Variants in CWC27 observed in about 807,000 individuals in gnomAD.
CWC27 encodes the protein CWC27 spliceosome associated cyclophilin.
In CWC27, 47 loss-of-function variants were observed where a neutral mutation model predicts 63.6. The ratio of observed to expected loss-of-function variants is 0.74; its 90% CI spans 0.58 to 0.94. The LOEUF is 0.94. Among genes scored for constraint, CWC27 ranks in the 40% least tolerant of loss-of-function variants. The pLI, the probability that CWC27 is intolerant of heterozygous loss-of-function variation, is 0.00. For missense variants in CWC27, 495 were observed against 554.3 expected (o/e 0.89, Z 1.07); for synonymous variants, 175 against 179.8 (o/e 0.97, Z 0.22).
At chr5:64,897,655 G>A (rs1747412640) in intron 11 of CWC27, among the ~76,000 whole-genome samples, 2 of 152,092 alleles carry the variant, frequency 1.3e-5, no homozygotes, top group African/African-American at 4.8e-5. Context: ...ACAAGTTGAT[G>A]GGTGCAGCAA....
intron 2 of CWC27, among the ~76,000 whole-genome samples, chr5:64,775,609 C>T (rs1743413257): frequency 6.6e-6 from 1 of 152,078 alleles, no homozygotes; most frequent in Non-Finnish European, 1.5e-5. Flanking sequence ...ATTCTAGTTT[C>T]TCCACACAGC....
At chr5:64,877,062 G>T (rs1037217779) in intron 10 of CWC27, among the ~76,000 whole-genome samples, 1 of 151,764 alleles carries the variant, frequency 6.6e-6, no homozygotes, top group Admixed American at 6.6e-5. Flanking sequence ...CCCTCTACTG[G>T]ATATTATTTA....
At chr5:64,794,835 A>G (rs1744208061) in intron 7 of CWC27, among the ~76,000 whole-genome samples, 1 of 152,154 alleles carries the variant, frequency 6.6e-6, no homozygotes, top group South Asian at 2.1e-4. Context: ...TGAAATATAA[A>G]TGTCAGGAAA....
At chr5:64,923,932 T>G (rs1289823916) in intron 11 of CWC27, among the ~76,000 whole-genome samples, 1 of 152,116 alleles carries the variant, frequency 6.6e-6, no homozygotes, top group African/African-American at 2.4e-5. Context: ...ATTTTTTTAG[T>G]GTCATCTTTG....
intron 13 of CWC27, among the ~76,000 whole-genome samples, chr5:64,992,636 ATTC>A (rs1283243496): frequency 1.3e-4 from 19 of 149,866 alleles, no homozygotes; most frequent in African/African-American, 4.4e-4. Flanking sequence ...GGTTCACGCC[ATTC>A]TTCTGCCTCA....
At chr5:64,872,360 G>C (rs1419783778) in intron 10 of CWC27, among the ~76,000 whole-genome samples, 1 of 152,160 alleles carries the variant, frequency 6.6e-6, no homozygotes, top group African/African-American at 2.4e-5. Flanking sequence ...GTCTGTACCT[G>C]CACTGTATGA....
intron 11 of CWC27, among the ~76,000 whole-genome samples, chr5:64,944,289 A>G (rs1048755786): frequency 6.6e-6 from 1 of 151,760 alleles, no homozygotes; most frequent in Non-Finnish European, 1.5e-5. Context: ...CATGCTTGTC[A>G]TCTCCAATTC....
chr5:64,984,457 G>A (rs1749385384), intron 13 of CWC27, among the ~76,000 whole-genome samples: 1 of 152,168 alleles, frequency 6.6e-6, no homozygotes, highest in South Asian at 2.1e-4. Context: ...AGATGCAGGT[G>A]GGAGGATAAC....
intron 11 of CWC27, among the ~76,000 whole-genome samples, chr5:64,938,626 T>A (rs1240737518): frequency 6.6e-6 from 1 of 152,190 alleles, no homozygotes; most frequent in Non-Finnish European, 1.5e-5. Flanking sequence ...GTGTTCTCTG[T>A]ATTTCCTGAA....
chr5:64,907,350 C>T (rs917970667), intron 11 of CWC27, among the ~76,000 whole-genome samples: 7 of 152,022 alleles, frequency 4.6e-5, no homozygotes, highest in Admixed American at 1.3e-4. Context: ...CATTGAGCAG[C>T]GGTTTATAGT....
intron 11 of CWC27, among the ~76,000 whole-genome samples, chr5:64,946,435 C>A (rs187763766): frequency 5.3e-5 from 8 of 152,252 alleles, no homozygotes; most frequent in Non-Finnish European, 4.4e-5. Context: ...TTTGTGGCAC[C>A]TTTGGTAGAT....
chr5:64,868,155 C>T (rs1016109742), intron 10 of CWC27, among the ~76,000 whole-genome samples: 17 of 151,968 alleles, frequency 1.1e-4, no homozygotes, highest in African/African-American at 3.9e-4. Context: ...ACATTCTTCA[C>T]CCAGAATATA....
At chr5:64,989,994 C>A (rs1749504028) in intron 13 of CWC27, among the ~76,000 whole-genome samples, 4 of 151,870 alleles carry the variant, frequency 2.6e-5, no homozygotes, top group Middle Eastern at 3.4e-3. Flanking sequence ...ACTGGTAGTT[C>A]ATGGAGTCAA....
chr5:64,983,030 A>G (rs906625707), intron 13 of CWC27, among the ~76,000 whole-genome samples: 1 of 152,184 alleles, frequency 6.6e-6, no homozygotes, highest in Non-Finnish European at 1.5e-5. Context: ...CTGAAACAGA[A>G]CAGTTTCATC....
intron 10 of CWC27, among the ~76,000 whole-genome samples, chr5:64,840,614 G>C (rs1745807729): frequency 6.6e-6 from 1 of 151,498 alleles, no homozygotes; most frequent in South Asian, 2.1e-4. Context: ...TAATGCTATT[G>C]TTTGTTACTG....
intron 11 of CWC27, among the ~76,000 whole-genome samples, chr5:64,970,380 T>C (rs1223542896): frequency 6.6e-6 from 1 of 151,558 alleles, no homozygotes; most frequent in Non-Finnish European, 1.5e-5. Flanking sequence ...GCCCGGCTAA[T>C]TTTTTGTATT....
chr5:64,824,452 G>A (rs889728750), intron 10 of CWC27, among the ~76,000 whole-genome samples: 1 of 149,034 alleles, frequency 6.7e-6, no homozygotes, highest in Non-Finnish European at 1.5e-5. Flanking sequence ...AACATTACTT[G>A]ATTTTCTGCA....
intron 11 of CWC27, among the ~76,000 whole-genome samples, chr5:64,910,979 G>C (rs183921142): frequency 2.0e-5 from 3 of 152,312 alleles, no homozygotes; most frequent in South Asian, 2.1e-4. Context: ...ACCAGTCCCA[G>C]TGAGATGAAC....
At chr5:64,952,165 G>A (rs1748722183) in intron 11 of CWC27, among the ~76,000 whole-genome samples, 2 of 151,868 alleles carry the variant, frequency 1.3e-5, no homozygotes, top group African/African-American at 2.4e-5. Flanking sequence ...AATACCTAAT[G>A]TAATGTAAAT....
Sources: allele counts gnomAD v4.1 joint callset (sites outside exome capture counted in the v4.1 genomes callset), GRCh38; gene constraint gnomAD v4.1.1; transcripts MANE v1.5; gene names NCBI Gene and HGNC (gene_info 2026-07-23, HGNC 2026-07-21).